The following CDKN2B-AS1 variants were observed in gnomAD, a reference collection of about 807,000 sequenced individuals.
CDKN2B-AS1 encodes the protein CDKN2B antisense RNA 1 (non-protein coding).
Position 21,999,865 on chromosome 9 carries a change from A to G in CDKN2B-AS1, n.29+4704A>G, listed in dbSNP as rs1359383317. 6.6e-6 allele frequency among the ~76,000 whole-genome samples: 1 copy of G among 152,198 alleles called. No individual in the cohort carries two copies. The highest frequency in any genetic ancestry group is 1.5e-5 in the Non-Finnish European group (1 of 68,016). Reference sequence around the variant, plus strand: ...TATTGCTAATTAAAGAAAGCAAGTGACAGAATAGTATGATCCCATTCATGT... The same window carrying G: ...TATTGCTAATTAAAGAAAGCAAGTGGCAGAATAGTATGATCCCATTCATGT... On this transcript the variant is annotated intron_variant and non_coding_transcript_variant, in intron 1 of 4. Coordinates refer to ENST00000650946, the Ensembl canonical transcript of CDKN2B-AS1. This position sits in a 1 kb window ranked among gnomAD's most constrained non-coding sequence, Gnocchi z 4.7.
intron 4 of CDKN2B-AS1, among the ~76,000 whole-genome samples, chr9:22,069,160 C>A (rs1026869190): frequency 6.6e-6 from 1 of 152,068 alleles, no homozygotes; most frequent in Non-Finnish European, 1.5e-5. Flanking sequence ...TCATACAGAG[C>A]GATAATTTCA....
At chr9:22,079,238 C>A (rs1824606847) in intron 4 of CDKN2B-AS1, among the ~76,000 whole-genome samples, 1 of 152,184 alleles carries the variant, frequency 6.6e-6, no homozygotes. Context: ...AATCCCAGCA[C>A]TTTGGGAAGC....
At chr9:22,018,619 G>A (rs961576258) in intron 1 of CDKN2B-AS1, among the ~76,000 whole-genome samples, 13 of 152,264 alleles carry the variant, frequency 8.5e-5, no homozygotes, top group Non-Finnish European at 1.5e-4. Context: ...GGCCACTGCC[G>A]TCCAGCCTGG....
At chr9:22,109,342 G>T (rs1239631543) in intron 4 of CDKN2B-AS1, among the ~76,000 whole-genome samples, 1 of 152,168 alleles carries the variant, frequency 6.6e-6, no homozygotes, top group Non-Finnish European at 1.5e-5. Context: ...GGATTCGTCT[G>T]TACAGAGTTA....
Position 22,005,968 on chromosome 9 carries a change from G to T in CDKN2B-AS1, n.29+10807G>T. 1 of 1,599,802 alleles carries T rather than the reference G, an allele frequency of 6.3e-7. No homozygotes were observed. On this transcript the variant is annotated intron_variant and non_coding_transcript_variant, in intron 1 of 4. Transcript: ENST00000650946. The surrounding 1 kb of genome is among the most constrained non-coding windows in gnomAD (Gnocchi z 4.9). ...GGGTAAGAAAATAAAGTCGTTGTGG[G>T]CGGCTGGGGAACCTGGCGTCAGTCC...
At chr9:22,015,960 A>G (rs560762909) in intron 1 of CDKN2B-AS1, among the ~76,000 whole-genome samples, 76 of 151,998 alleles carry the variant, frequency 5.0e-4, no homozygotes, top group African/African-American at 1.8e-3. Context: ...TTTTCTTGTA[A>G]ATTTGTTTGA....
intron 1 of CDKN2B-AS1, chr9:22,029,464 A>C: frequency 1.3e-6 from 1 of 779,632 alleles, no homozygotes; most frequent in South Asian, 1.3e-5. Context: ...AAAGGATTCC[A>C]AGAGAGAATA....
At chr9:22,055,334 C>G (rs1484839202) in intron 3 of CDKN2B-AS1, among the ~76,000 whole-genome samples, 1 of 151,976 alleles carries the variant, frequency 6.6e-6, no homozygotes, top group Non-Finnish European at 1.5e-5. Flanking sequence ...ACTTTTAAAC[C>G]AAGGCTTGGA....
At chr9:22,012,843 T>C (rs1821571862) in intron 1 of CDKN2B-AS1, among the ~76,000 whole-genome samples, 1 of 152,200 alleles carries the variant, frequency 6.6e-6, no homozygotes, top group Admixed American at 6.5e-5. Context: ...GAGTTGGGTT[T>C]ATTGCTCCGT....
At chr9:22,052,385 A>T (rs1207196403) in intron 3 of CDKN2B-AS1, among the ~76,000 whole-genome samples, 10 of 152,158 alleles carry the variant, frequency 6.6e-5, no homozygotes, top group African/African-American at 2.4e-4. Flanking sequence ...TGTAGTGCTT[A>T]AAAAAGGACA....
chr9:22,076,431 T>G (rs1824494514), intron 4 of CDKN2B-AS1, among the ~76,000 whole-genome samples: 4 of 152,192 alleles, frequency 2.6e-5, no homozygotes, highest in Admixed American at 2.6e-4. Context: ...AATCAAAATA[T>G]ATAACTATTT....
intron 1 of CDKN2B-AS1, among the ~76,000 whole-genome samples, chr9:22,037,636 A>T (rs892456623): frequency 7.2e-5 from 11 of 152,072 alleles, no homozygotes; most frequent in Non-Finnish European, 1.5e-4. Context: ...ACACTTCAAG[A>T]CATTTTCCAG....
At chr9:22,004,737 C>G in intron 1 of CDKN2B-AS1, 2 of 232,992 alleles carry the variant, frequency 8.6e-6, no homozygotes, top group Non-Finnish European at 1.7e-5. Flanking sequence ...ACTCAATCTA[C>G]TTTTTCAGCA....
Position 22,006,053 on chromosome 9 carries a change from C to T in CDKN2B-AS1, n.29+10892C>T, listed in dbSNP as rs1385410067. On this transcript the variant is annotated intron_variant and non_coding_transcript_variant, in intron 1 of 4. Transcript: ENST00000650946. The surrounding 1 kb of genome is among the most constrained non-coding windows in gnomAD (Gnocchi z 6.4). The stretch of plus-strand genomic sequence containing the variant: ...GGTGGCCCCGCTCCTCGGCCAAGTC[C>T]ACGGGCAGACGACCCCAGGCATCGC... 2.5e-6 allele frequency: 4 copies of T among 1,605,524 alleles called. No individual in the cohort carries two copies. The highest frequency in any genetic ancestry group is 2.5e-6 in the Non-Finnish European group (3 of 1,179,606).
chr9:22,022,702 TG>T (rs1261509104), intron 1 of CDKN2B-AS1, among the ~76,000 whole-genome samples: 1 of 152,154 alleles, frequency 6.6e-6, no homozygotes, highest in Non-Finnish European at 1.5e-5. Flanking sequence ...GACTTGTTTT[TG>T]TGGTTGCTTT....
intron 3 of CDKN2B-AS1, among the ~76,000 whole-genome samples, chr9:22,050,137 C>T (rs973472682): frequency 6.6e-6 from 1 of 152,224 alleles, no homozygotes; most frequent in Non-Finnish European, 1.5e-5. Flanking sequence ...ATACTGTACA[C>T]ATACATGCAC....
rs1171735028 is a variant in CDKN2B-AS1, at chr9:22,020,557, T to TTAATAA, written n.29+25399_29+25404dup. Among the ~76,000 whole-genome samples the TTAATAA allele has an allele frequency of 3.3e-5, 5 of 152,308 alleles. No homozygotes were observed. In the South Asian group the frequency reaches 1.0e-3, roughly 32 times the overall value. ...AGCATCTGTTATTTTTTTTGACTTT[T>TTAATAA]TAATAATAGCCATTCTGACTTGTGT... is the stretch of plus-strand genomic sequence containing the variant. On this transcript the variant is annotated intron_variant and non_coding_transcript_variant, in intron 1 of 4. Coordinates refer to ENST00000650946, the Ensembl canonical transcript of CDKN2B-AS1.
intron 4 of CDKN2B-AS1, among the ~76,000 whole-genome samples, chr9:22,095,915 C>CT (rs1307771454): frequency 1.3e-5 from 2 of 151,476 alleles, no homozygotes; most frequent in African/African-American, 4.9e-5. Context: ...CAACCCCTGC[C>CT]TTTTTTTGTT....
intron 1 of CDKN2B-AS1, among the ~76,000 whole-genome samples, chr9:22,038,405 G>A (rs1316761053): frequency 1.3e-5 from 2 of 151,748 alleles, no homozygotes; most frequent in East Asian, 1.9e-4. Flanking sequence ...TTTTGCCAGC[G>A]CAGATTTGAT....
Sources: gnomAD v4.1 joint callset for allele counts (sites outside exome capture counted in the v4.1 genomes callset) on GRCh38, gnomAD v4.1.1 for gene constraint, Gnocchi (gnomAD v3.1) non-coding constraint, MANE v1.5 for transcripts, NCBI Gene and HGNC (gene_info 2026-07-23, HGNC 2026-07-21) for gene names.